HERPUD2: variants seen among roughly 807,000 people sequenced by gnomAD.
The protein encoded by HERPUD2 is HERPUD family member 2, also known as homocysteine-responsive endoplasmic reticulum-resident ubiquitin-like domain member 2 protein.
HERPUD2 carries 13 observed loss-of-function variants against 49.9 expected under a neutral mutation model. That is an observed-to-expected ratio of 0.26 (90% CI 0.17 to 0.41). The LOEUF is 0.41. Among genes scored for constraint, HERPUD2 ranks in the 10% least tolerant of loss-of-function variants. The probability of loss-of-function intolerance (pLI) is 1.00; values close to 1 mark genes in which losing one functional copy is unlikely to be tolerated. For missense variants in HERPUD2, 449 were observed against 492.2 expected (o/e 0.91, Z 0.83); for synonymous variants, 172 against 171.4 (o/e 1.00, Z -0.03).
intron 5 of HERPUD2, among the ~76,000 whole-genome samples, chr7:35,665,834 A>C (rs1247052763): frequency 6.6e-6 from 1 of 152,192 alleles, no homozygotes; most frequent in African/African-American, 2.4e-5. Context: ...TAGTTTAGAG[A>C]AATTATTAAT....
chr7:35,690,742 G>T (rs1786163548), intron 2 of HERPUD2, among the ~76,000 whole-genome samples: 1 of 152,114 alleles, frequency 6.6e-6, no homozygotes, highest in Non-Finnish European at 1.5e-5. Context: ...GCGGGAGGCA[G>T]AGGTTGCAGT....
At chr7:35,683,720 GA>G (rs911744721) in intron 2 of HERPUD2, among the ~76,000 whole-genome samples, 64 of 150,740 alleles carry the variant, frequency 4.2e-4, no homozygotes, top group African/African-American at 1.3e-3. Flanking sequence ...AAATCAACAA[GA>G]AAAAAAAATC....
At chr7:35,665,090 G>A (rs1224862327) in intron 5 of HERPUD2, among the ~76,000 whole-genome samples, 5 of 152,184 alleles carry the variant, frequency 3.3e-5, no homozygotes, top group Non-Finnish European at 7.4e-5. Flanking sequence ...GAGGCAGTCT[G>A]TCTGTTCTCA....
chr7:35,651,565 A>T (rs1489016522), intron 5 of HERPUD2, among the ~76,000 whole-genome samples: 4 of 152,210 alleles, frequency 2.6e-5, no homozygotes, highest in African/African-American at 9.6e-5. Flanking sequence ...ACCACCATAG[A>T]CCCATCTTTA....
rs182837534 is a variant in HERPUD2, at chr7:35,641,669, C to A, written c.495-3197G>T. 2.6e-4 allele frequency among the ~76,000 whole-genome samples: 39 copies of A among 152,232 alleles called. No homozygotes were observed. In the East Asian group the frequency reaches 5.6e-3, roughly 22 times the overall value. On this transcript the variant is annotated intron_variant, in intron 5 of 8. Coordinates refer to ENST00000311350, the MANE Select transcript of HERPUD2 (RefSeq NM_022373.5). The stretch of plus-strand genomic sequence containing the variant: ...ATAGCCCGGAAATAAGGCTGCACAC[C>A]TACAACTGTCTGATCTTTGATAAAG...
intron 2 of HERPUD2, among the ~76,000 whole-genome samples, chr7:35,678,069 G>C (rs1785804118): frequency 6.6e-6 from 1 of 152,106 alleles, no homozygotes; most frequent in South Asian, 2.1e-4. Context: ...TCTAGTACCT[G>C]CTCCTCCCAC....
intron 2 of HERPUD2, among the ~76,000 whole-genome samples, chr7:35,685,051 G>A (rs1786007060): frequency 6.6e-6 from 1 of 151,986 alleles, no homozygotes; most frequent in Non-Finnish European, 1.5e-5. Flanking sequence ...GACCAGCCTG[G>A]GCAACATAGT....
chr7:35,643,153 A>C (rs1562836), intron 5 of HERPUD2, among the ~76,000 whole-genome samples: 17 of 152,092 alleles, frequency 1.1e-4, no homozygotes, highest in Non-Finnish European at 2.1e-4. Flanking sequence ...ATAGCTCATT[A>C]ATTTTTTTAA....
chr7:35,683,832 A>C (rs923709122), intron 2 of HERPUD2, among the ~76,000 whole-genome samples: 8 of 152,240 alleles, frequency 5.3e-5, no homozygotes, highest in Admixed American at 4.6e-4. Context: ...ATGATCAGGG[A>C]AATGCAAATC....
intron 5 of HERPUD2, among the ~76,000 whole-genome samples, chr7:35,667,016 A>G (rs1377888716): frequency 6.6e-6 from 1 of 152,164 alleles, no homozygotes; most frequent in Admixed American, 6.5e-5. Context: ...TCCCCTAAAC[A>G]CTAAATTGAG....
chr7:35,667,672 A>G, intron 4 of HERPUD2, 84 bp from the exon 5 acceptor site: 1 of 1,010,716 alleles, frequency 9.9e-7, no homozygotes, highest in Non-Finnish European at 1.5e-6. Flanking sequence ...AAACGTATTC[A>G]TGAAATCCCT....
At chr7:35,692,967 C>T (rs182636238) in intron 2 of HERPUD2, among the ~76,000 whole-genome samples, 3 of 152,238 alleles carry the variant, frequency 2.0e-5, no homozygotes, top group East Asian at 1.9e-4. Flanking sequence ...CCCTAAAATC[C>T]GACCCTCTTT....
intron 2 of HERPUD2, among the ~76,000 whole-genome samples, chr7:35,683,018 C>T (rs1274239650): frequency 3.9e-5 from 6 of 151,936 alleles, no homozygotes; most frequent in East Asian, 1.9e-4. Context: ...ACAAATTCAA[C>T]GCAATTCCCA....
intron 6 of HERPUD2, among the ~76,000 whole-genome samples, chr7:35,637,495 T>C (rs980181339): frequency 1.1e-4 from 16 of 152,092 alleles, no homozygotes; most frequent in Non-Finnish European, 1.6e-4. Context: ...AACAGAGGAA[T>C]TGAATTTTAG....
chr7:35,677,733 T>A (rs1308757169), intron 2 of HERPUD2, among the ~76,000 whole-genome samples: 1 of 152,162 alleles, frequency 6.6e-6, no homozygotes, highest in Non-Finnish European at 1.5e-5. Context: ...CCAACAGAAG[T>A]AATTCAGTAG....
intron 2 of HERPUD2, among the ~76,000 whole-genome samples, chr7:35,674,379 C>CTACATATATATATATA (rs1785705199): frequency 2.3e-5 from 1 of 42,968 alleles, no homozygotes; most frequent in Non-Finnish European, 4.0e-5. Flanking sequence ...GTCTTACAAC[C>CTACATATATATATATA]TATATATATA....
chr7:35,661,285 TGTA>T (rs1187970275), intron 5 of HERPUD2, among the ~76,000 whole-genome samples: 1 of 152,220 alleles, frequency 6.6e-6, no homozygotes, highest in Admixed American at 6.5e-5. Flanking sequence ...ACTGTAGCCT[TGTA>T]GTATAGTTTG....
chr7:35,633,624 TTGCACTGTTA>T lies in HERPUD2; in HGVS notation c.*56_*65del. On this transcript the variant is annotated 3_prime_UTR_variant, in exon 9 of 9. Coordinates refer to ENST00000311350, the MANE Select transcript of HERPUD2 (RefSeq NM_022373.5). ...AAGAAAGTTATAAATTTTTTTGAAA[TTGCACTGTTA>T]TTTAAACCACTTTCCTGAAGTCAGA... is the stretch of plus-strand genomic sequence containing the variant. 7.0e-7 allele frequency: 1 copy of T among 1,435,064 alleles called. No individual in the cohort carries two copies. Among genetic ancestry groups the T allele is most frequent in the South Asian group, 1.3e-5 (1 of 74,156 alleles). The allele number at this position is 1,435,064 out of a possible 1,614,324, so 88.9% of individuals were successfully genotyped here. A position where few individuals can be genotyped will look rare whatever the true frequency, so the allele number is the denominator to read the frequency against.
At chr7:35,687,472 G>C (rs1786088050) in intron 2 of HERPUD2, among the ~76,000 whole-genome samples, 1 of 152,130 alleles carries the variant, frequency 6.6e-6, no homozygotes, top group African/African-American at 2.4e-5. Flanking sequence ...CAAATAATAA[G>C]ACAAAGAACA....
Sources: gnomAD v4.1 joint callset for allele counts (sites outside exome capture counted in the v4.1 genomes callset) on GRCh38, gnomAD v4.1.1 for gene constraint, MANE v1.5 for transcripts, NCBI Gene and HGNC (gene_info 2026-07-23, HGNC 2026-07-21) for gene names.